The following CNTNAP2 variants were observed in gnomAD, a reference collection of about 807,000 sequenced individuals.
The protein encoded by CNTNAP2 is contactin associated protein 2.
In CNTNAP2, 98 loss-of-function variants were observed where a neutral mutation model predicts 155.2. The ratio of observed to expected loss-of-function variants is 0.63; its 90% CI spans 0.54 to 0.75. CNTNAP2 has a LOEUF of 0.75. Among genes scored for constraint, CNTNAP2 ranks in the 30% least tolerant of loss-of-function variants. The pLI, the probability that CNTNAP2 is intolerant of heterozygous loss-of-function variation, is 0.00. For missense variants in CNTNAP2, 1,727 were observed against 1,688.1 expected (o/e 1.02, Z -0.40); for synonymous variants, 651 against 631.2 (o/e 1.03, Z -0.47).
At chr7:147,460,625 A>G (rs150571599) in intron 10 of CNTNAP2, among the ~76,000 whole-genome samples, 1 of 143,282 alleles carries the variant, frequency 7.0e-6, no homozygotes, top group East Asian at 2.0e-4. Flanking sequence ...GATTTGCCAC[A>G]TCAGAGGAGA....
intron 11 of CNTNAP2, among the ~76,000 whole-genome samples, chr7:147,553,638 G>T (rs780074762): frequency 3.3e-5 from 5 of 152,020 alleles, no homozygotes; most frequent in Non-Finnish European, 5.9e-5. Flanking sequence ...TCTTCCTAGG[G>T]CAAGGTATAG....
At chr7:146,382,564 A>G (rs1044865352) in intron 1 of CNTNAP2, among the ~76,000 whole-genome samples, 1 of 152,228 alleles carries the variant, frequency 6.6e-6, no homozygotes, top group Admixed American at 6.5e-5. Context: ...AGTACATATA[A>G]TTACTTTTCA....
chr7:147,967,463 G>A lies in CNTNAP2; in HGVS notation c.2256-10399G>A, dbSNP rs1322271579. On this transcript the variant is annotated intron_variant, in intron 14 of 23. Coordinates refer to ENST00000361727, the MANE Select transcript of CNTNAP2 (RefSeq NM_014141.6). ...CTAGTCTATTACCTCTGAAAAATGAGGGTAGTAATTAGATTATCTCCCAAA... is the reference window on the plus strand; with the variant it reads ...CTAGTCTATTACCTCTGAAAAATGAAGGTAGTAATTAGATTATCTCCCAAA... Among the ~76,000 whole-genome samples, 51 of 152,082 alleles carry A rather than the reference G, an allele frequency of 3.4e-4. 1 individual carries two copies. The highest frequency in any genetic ancestry group is 3.3e-3 in the Admixed American group (51 of 15,272).
At chr7:146,710,244 G>C (rs182624247) in intron 1 of CNTNAP2, among the ~76,000 whole-genome samples, 7 of 152,272 alleles carry the variant, frequency 4.6e-5, no homozygotes, top group Admixed American at 4.6e-4. Flanking sequence ...AGTCAATCCT[G>C]GAATATGAAA....
chr7:146,501,882 A>T, intron 1 of CNTNAP2, among the ~76,000 whole-genome samples: 1 of 152,078 alleles, frequency 6.6e-6, no homozygotes, highest in East Asian at 1.9e-4. Context: ...TGTTAACCTG[A>T]AGCAGAGATT....
chr7:147,444,241 A>G (rs925531104), intron 10 of CNTNAP2, among the ~76,000 whole-genome samples: 3 of 152,242 alleles, frequency 2.0e-5, no homozygotes, highest in Admixed American at 6.5e-5. Flanking sequence ...TCCAACAAAG[A>G]AAAACTGTGT....
At chr7:147,708,573 C>T (rs1485938494) in intron 13 of CNTNAP2, among the ~76,000 whole-genome samples, 1 of 152,054 alleles carries the variant, frequency 6.6e-6, no homozygotes, top group East Asian at 1.9e-4. Flanking sequence ...CTTGCAGCTT[C>T]CTATGTTAGT....
At chr7:147,066,346 G>A (rs189651523) in intron 4 of CNTNAP2, among the ~76,000 whole-genome samples, 120 of 152,226 alleles carry the variant, frequency 7.9e-4, no homozygotes, top group African/African-American at 2.6e-3. Flanking sequence ...TGCCAAATCC[G>A]GGATGAGAAC....
At chr7:147,378,076 G>C (rs967815088) in intron 9 of CNTNAP2, 1 of 462,682 alleles carries the variant, frequency 2.2e-6, no homozygotes, top group African/African-American at 2.0e-5. Flanking sequence ...ACTTTTAATG[G>C]CAAAAACCAC....
intron 21 of CNTNAP2, among the ~76,000 whole-genome samples, chr7:148,336,702 A>C (rs1798122452): frequency 6.6e-6 from 1 of 152,224 alleles, no homozygotes; most frequent in African/African-American, 2.4e-5. Flanking sequence ...TTATATCAAA[A>C]ATAGACACAT....
At position 146,824,284 on chromosome 7, in the gene CNTNAP2, T is replaced by A. The variant is rs149260151; in HGVS notation, c.209-15427T>A. ...TGACACATTTTCTTTATTCAGTCTA[T>A]CATTGATGGGCATTTGGGTTGGATC... is the stretch of plus-strand genomic sequence containing the variant. On this transcript the variant is annotated intron_variant, in intron 2 of 23. Coordinates refer to ENST00000361727, the MANE Select transcript of CNTNAP2 (RefSeq NM_014141.6). Among the ~76,000 whole-genome samples, 71 of 152,328 alleles carry A rather than the reference T, an allele frequency of 4.7e-4. No individual in the cohort carries two copies. The East Asian group carries it at 0.013, about 28-fold the overall frequency.
chr7:146,311,607 C>CAAAAAAAAAAAAAAAAAAAA (rs71175646), intron 1 of CNTNAP2: 3 of 38,906 alleles, frequency 7.7e-5, no homozygotes, highest in Admixed American at 3.9e-4. Context: ...CTTGTCTTTA[C>CAAAAAAAAAAAAAAAAAAAA]AAAAAAAAAA....
Position 146,908,606 on chromosome 7 carries a change from G to A in CNTNAP2, c.402+68702G>A, listed in dbSNP as rs1437616897. ...TAAAGATGTTCTTTGAAACCAATGAGAACAAAGACACAACATACCAGAATC... is the reference window on the plus strand; with the variant it reads ...TAAAGATGTTCTTTGAAACCAATGAAAACAAAGACACAACATACCAGAATC... On this transcript the variant is annotated intron_variant, in intron 3 of 23. Transcript: ENST00000361727. Among the ~76,000 whole-genome samples the A allele has an allele frequency of 1.1e-3, 151 of 131,528 alleles. 8 individuals are homozygous for A. The highest frequency in any genetic ancestry group is 4.1e-3 in the African/African-American group (135 of 33,172). The allele number at this position is 131,528 out of a possible 152,430, so 86.3% of individuals were successfully genotyped here.
At chr7:148,268,776 A>G (rs1012339843) in intron 21 of CNTNAP2, among the ~76,000 whole-genome samples, 1 of 152,184 alleles carries the variant, frequency 6.6e-6, no homozygotes, top group Non-Finnish European at 1.5e-5. Context: ...TGAGGTAGTT[A>G]AGATTATGAT....
At chr7:146,255,533 T>C (rs1169177192) in intron 1 of CNTNAP2, among the ~76,000 whole-genome samples, 6 of 152,140 alleles carry the variant, frequency 3.9e-5, no homozygotes, top group Non-Finnish European at 7.3e-5. Context: ...ACCTAAAATC[T>C]GAATTAGAGT....
At chr7:148,407,462 G>A (rs1488611226) in intron 22 of CNTNAP2, among the ~76,000 whole-genome samples, 1 of 152,162 alleles carries the variant, frequency 6.6e-6, no homozygotes, top group Non-Finnish European at 1.5e-5. Flanking sequence ...CCAGCACTTT[G>A]AAAGGCCAAG....
intron 1 of CNTNAP2, among the ~76,000 whole-genome samples, chr7:146,521,437 T>A (rs1415195939): frequency 6.6e-6 from 1 of 151,952 alleles, no homozygotes; most frequent in Non-Finnish European, 1.5e-5. Flanking sequence ...ATTTCCAAAA[T>A]CAACTGAATA....
intron 4 of CNTNAP2, among the ~76,000 whole-genome samples, chr7:147,068,540 G>A (rs1298269164): frequency 6.6e-6 from 1 of 152,068 alleles, no homozygotes; most frequent in Non-Finnish European, 1.5e-5. Flanking sequence ...TGTATTTTTA[G>A]TAGAGATGGG....
At chr7:146,191,486 AG>A (rs1460437676) in intron 1 of CNTNAP2, among the ~76,000 whole-genome samples, 2 of 152,326 alleles carry the variant, frequency 1.3e-5, no homozygotes, top group East Asian at 3.9e-4. Context: ...ATCAGGAGAC[AG>A]GGTTTGAGAG....
Sources: allele counts gnomAD v4.1 joint callset (sites outside exome capture counted in the v4.1 genomes callset), GRCh38; gene constraint gnomAD v4.1.1; transcripts MANE v1.5; gene names NCBI Gene and HGNC (gene_info 2026-07-23, HGNC 2026-07-21).